Variants in KAZN observed in about 807,000 individuals in gnomAD.
The protein encoded by KAZN is kazrin, periplakin interacting protein.
Under a neutral mutation model 87.4 loss-of-function variants are expected in KAZN, and 40 were observed. That is an observed-to-expected ratio of 0.46 (90% CI 0.36 to 0.60). KAZN has a LOEUF of 0.60. Among genes scored for constraint, KAZN ranks in the 20% least tolerant of loss-of-function variants. KAZN has a pLI of 0.00. For missense variants in KAZN, 898 were observed against 1,073.9 expected (o/e 0.84, Z 2.29); for synonymous variants, 466 against 458.3 (o/e 1.02, Z -0.22).
chr1:14,317,743 T>C (rs765689369), intron 2 of KAZN, among the ~76,000 whole-genome samples: 2 of 151,938 alleles, frequency 1.3e-5, no homozygotes, highest in African/African-American at 2.4e-5. Context: ...CAAATTTAAG[T>C]GAAACAACAC....
rs368058489 is a variant in KAZN, at chr1:15,063,841, G to C, written c.1098+219G>C. 4.2e-4 allele frequency among the ~76,000 whole-genome samples: 57 copies of C among 134,688 alleles called. No homozygotes were observed. In the South Asian group the frequency reaches 0.012, roughly 27 times the overall value. The allele number at this position is 134,688 out of a possible 152,430, so 88.4% of individuals were successfully genotyped here. On this transcript the variant is annotated intron_variant, in intron 7 of 14. Coordinates refer to ENST00000376030, the MANE Select transcript of KAZN (RefSeq NM_201628.3). ...ATCCATGCCGCACACCCAAGGCGGA[G>C]AGGATTTATGCCACTTCCGCTGAGC...
intron 1 of KAZN, among the ~76,000 whole-genome samples, chr1:14,175,967 C>T (rs112769661): frequency 6.6e-6 from 1 of 152,128 alleles, no homozygotes; most frequent in Non-Finnish European, 1.5e-5. Context: ...CATGTCCTAA[C>T]CTTCCTGTTT....
chr1:14,897,902 T>A (rs1419035075), intron 1 of KAZN, among the ~76,000 whole-genome samples: 2 of 152,208 alleles, frequency 1.3e-5, no homozygotes, highest in East Asian at 3.8e-4. Flanking sequence ...ACTCAGGAGC[T>A]GTCTGGGATC....
chr1:13,968,342 G>A (rs1207236746), intron 1 of KAZN, among the ~76,000 whole-genome samples: 3 of 152,180 alleles, frequency 2.0e-5, no homozygotes, highest in Non-Finnish European at 2.9e-5. Flanking sequence ...GACCTCCTGG[G>A]TTTGTGAAAA....
intron 2 of KAZN, among the ~76,000 whole-genome samples, chr1:14,474,661 G>A (rs1395304853): frequency 6.6e-6 from 1 of 152,190 alleles, no homozygotes; most frequent in Admixed American, 6.5e-5. Flanking sequence ...TTAAGAGCTT[G>A]AATTTGGGGA....
At chr1:15,112,289 G>A (rs1641657759) in intron 13 of KAZN, 138 bp from the exon 14 acceptor site, 1 of 661,184 alleles carries the variant, frequency 1.5e-6, no homozygotes, top group Non-Finnish European at 2.8e-6. Flanking sequence ...GCACGTGGGA[G>A]GTAATCAGTC....
Position 14,820,563 on chromosome 1 carries a change from C to T in KAZN, c.227-140121C>T, listed in dbSNP as rs1046112946. The stretch of plus-strand genomic sequence containing the variant: ...GCAGAACAAACTGCATGGAATGTCA[C>T]GTGGGGTTTTCCACTCTCGCCCACA... On this transcript the variant is annotated intron_variant, in intron 1 of 14. Transcript: ENST00000376030. This position sits in a 1 kb window ranked among gnomAD's most constrained non-coding sequence, Gnocchi z 4.1. Among the ~76,000 whole-genome samples the T allele has an allele frequency of 1.1e-4, 17 of 152,234 alleles. No homozygotes were observed. Among genetic ancestry groups the T allele is most frequent in the African/African-American group, 3.9e-4 (16 of 41,454 alleles).
chr1:14,395,521 G>A (rs1662822125), intron 2 of KAZN, among the ~76,000 whole-genome samples: 1 of 152,232 alleles, frequency 6.6e-6, no homozygotes, highest in South Asian at 2.1e-4. Context: ...TGTGGCTGGT[G>A]GGAGCTGCAG....
At chr1:13,919,434 C>T (rs546974949) in intron 1 of KAZN, among the ~76,000 whole-genome samples, 29 of 152,272 alleles carry the variant, frequency 1.9e-4, no homozygotes, top group South Asian at 1.7e-3. Context: ...ATATCACACA[C>T]GTTTAATATG....
intron 2 of KAZN, among the ~76,000 whole-genome samples, chr1:14,391,733 C>G (rs1008823682): frequency 2.6e-5 from 4 of 152,162 alleles, no homozygotes; most frequent in African/African-American, 9.7e-5. Flanking sequence ...CATACAGGGG[C>G]CTTGACGTCT....
intron 1 of KAZN, among the ~76,000 whole-genome samples, chr1:14,126,359 C>A (rs1004098749): frequency 4.0e-5 from 6 of 150,736 alleles, no homozygotes; most frequent in East Asian, 2.0e-4. Context: ...CCCCTCCCCC[C>A]CCCCGTCAAG....
intron 1 of KAZN, among the ~76,000 whole-genome samples, chr1:14,151,997 GT>G (rs1384624976): frequency 6.6e-6 from 1 of 152,100 alleles, no homozygotes. Context: ...CTCTAATAAA[GT>G]TTTTGCCTTG....
chr1:14,672,844 G>A (rs112210904), intron 1 of KAZN, among the ~76,000 whole-genome samples: 2,167 of 152,276 alleles, frequency 0.014, 58 homozygotes, highest in African/African-American at 0.049. Flanking sequence ...TGTCACTGCT[G>A]TCTCTGGGCA....
At chr1:14,466,768 A>T (rs1027800389) in intron 2 of KAZN, among the ~76,000 whole-genome samples, 16 of 152,094 alleles carry the variant, frequency 1.1e-4, no homozygotes, top group Non-Finnish European at 2.2e-4. Context: ...GGAGATGGAG[A>T]CCATCCTGGC....
chr1:14,635,642 A>T (rs1400941329), intron 1 of KAZN, among the ~76,000 whole-genome samples: 1 of 152,202 alleles, frequency 6.6e-6, no homozygotes, highest in Admixed American at 6.5e-5. Context: ...CTCTCAGGGC[A>T]TCATTGGAGA....
intron 2 of KAZN, among the ~76,000 whole-genome samples, chr1:14,574,543 T>C (rs1039364656): frequency 1.3e-5 from 2 of 152,214 alleles, no homozygotes; most frequent in African/African-American, 4.8e-5. Context: ...TCTGCCGCCA[T>C]GTAAGACATG....
At chr1:14,359,260 T>C (rs1485823415) in intron 2 of KAZN, among the ~76,000 whole-genome samples, 2 of 152,084 alleles carry the variant, frequency 1.3e-5, no homozygotes, top group African/African-American at 2.4e-5. Flanking sequence ...TTTTTTCTTT[T>C]TTTTTCCTTC....
At chr1:14,548,141 T>C (rs540446774) in intron 2 of KAZN, among the ~76,000 whole-genome samples, 1 of 152,038 alleles carries the variant, frequency 6.6e-6, no homozygotes, top group East Asian at 1.9e-4. Flanking sequence ...CTGGGCTGCA[T>C]GTGGCCTGCA....
intron 1 of KAZN, among the ~76,000 whole-genome samples, chr1:14,834,504 G>A (rs531405695): frequency 2.5e-4 from 38 of 151,950 alleles, no homozygotes; most frequent in African/African-American, 8.4e-4. Context: ...TGGGACTACA[G>A]GTGCCCACCA....
Sources: allele counts gnomAD v4.1 joint callset (sites outside exome capture counted in the v4.1 genomes callset), GRCh38; gene constraint gnomAD v4.1.1; non-coding constraint Gnocchi (gnomAD v3.1); transcripts MANE v1.5; gene names NCBI Gene and HGNC (gene_info 2026-07-23, HGNC 2026-07-21).